RBFOX3: variants seen among roughly 807,000 people sequenced by gnomAD.
RBFOX3 encodes RNA binding protein fox-1 homolog 3.
In RBFOX3, 17 loss-of-function variants were observed where a neutral mutation model predicts 48.7. The ratio of observed to expected loss-of-function variants is 0.35; its 90% CI spans 0.24 to 0.52. RBFOX3 has a LOEUF of 0.52. Among genes scored for constraint, RBFOX3 ranks in the 20% least tolerant of loss-of-function variants. RBFOX3 has a pLI of 0.94. For synonymous variants in RBFOX3, 212 were observed against 209.5 expected, an observed-to-expected ratio of 1.01 and a Z score of -0.10; for missense variants, 382 against 497.5, an observed-to-expected ratio of 0.77 and a Z score of 2.21.
At chr17:79,656,593 G>A in the RBFOX3 span, among the ~76,000 whole-genome samples, 1 of 145,426 alleles carries the variant, frequency 6.9e-6, no homozygotes, top group African/African-American at 2.7e-5. Flanking sequence ...CAGCCTGGGT[G>A]ACAGAGTGAG....
At chr17:79,649,673 T>C in the RBFOX3 span, among the ~76,000 whole-genome samples, 5 of 152,308 alleles carry the variant, frequency 3.3e-5, no homozygotes, top group South Asian at 2.1e-4. Flanking sequence ...GCCATTGCAC[T>C]TCAGCCGACA....
At chr17:79,411,304 T>A (rs1056141246) in intron 2 of RBFOX3, among the ~76,000 whole-genome samples, 2 of 152,046 alleles carry the variant, frequency 1.3e-5, no homozygotes, top group South Asian at 2.1e-4. Context: ...ACCTCACTGA[T>A]CTGCTCACAC....
At chr17:79,574,007 AG>A (rs2092773593) in intron 1 of RBFOX3, among the ~76,000 whole-genome samples, 1 of 152,194 alleles carries the variant, frequency 6.6e-6, no homozygotes. Flanking sequence ...GCGAGCCCCC[AG>A]GGGTGGGCTG....
At chr17:79,502,684 G>C (rs1389732419) in intron 1 of RBFOX3, among the ~76,000 whole-genome samples, 1 of 152,196 alleles carries the variant, frequency 6.6e-6, no homozygotes, top group Admixed American at 6.5e-5. Flanking sequence ...CTTTGAACTG[G>C]AGAAAAACGG....
At chr17:79,547,167 A>T (rs1041095799) in intron 1 of RBFOX3, among the ~76,000 whole-genome samples, 4 of 152,134 alleles carry the variant, frequency 2.6e-5, no homozygotes, top group Admixed American at 6.5e-5. Context: ...CCAACTCCCA[A>T]GCGTTCACTT....
At chr17:79,114,133 G>C (rs1212171723) in intron 5 of RBFOX3, among the ~76,000 whole-genome samples, 1 of 152,182 alleles carries the variant, frequency 6.6e-6, no homozygotes, top group Non-Finnish European at 1.5e-5. Flanking sequence ...GTCAGAAGGA[G>C]ACCCAGCCTG....
At chr17:79,334,018 G>T (rs749651077) in intron 2 of RBFOX3, among the ~76,000 whole-genome samples, 3 of 151,692 alleles carry the variant, frequency 2.0e-5, no homozygotes, top group Non-Finnish European at 2.9e-5. Flanking sequence ...GGTCACCAAC[G>T]ATCCCCTCAT....
At chr17:79,450,480 C>G (rs2073269785) in intron 2 of RBFOX3, among the ~76,000 whole-genome samples, 1 of 152,088 alleles carries the variant, frequency 6.6e-6, no homozygotes, top group Non-Finnish European at 1.5e-5. Context: ...GAAAACGAAT[C>G]ACCCCAAAAT....
chr17:79,110,131 A>C (rs1346843268), intron 5 of RBFOX3, among the ~76,000 whole-genome samples: 1 of 15,308 alleles, frequency 6.5e-5, no homozygotes. Context: ...TCCCCCACTC[A>C]AAAAAAAAAA....
At chr17:79,177,562 C>A (rs1599825966) in intron 4 of RBFOX3, among the ~76,000 whole-genome samples, 2 of 152,194 alleles carry the variant, frequency 1.3e-5, no homozygotes, top group Non-Finnish European at 2.9e-5. Flanking sequence ...CTGGCCCATA[C>A]CGGTTGGAGA....
chr17:79,450,863 T>C (rs1408813589), intron 2 of RBFOX3, among the ~76,000 whole-genome samples: 1 of 152,092 alleles, frequency 6.6e-6, no homozygotes, highest in Non-Finnish European at 1.5e-5. Flanking sequence ...AAAAGATATA[T>C]GCCAAGAGGA....
the RBFOX3 span, among the ~76,000 whole-genome samples, chr17:79,646,577 C>A: frequency 6.6e-6 from 1 of 152,292 alleles, no homozygotes; most frequent in East Asian, 1.9e-4. Flanking sequence ...TTATTCACTA[C>A]CATGAGAACA....
Position 79,103,975 on chromosome 17 carries a change from G to A in RBFOX3, c.414+98C>T. 1 of 1,056,470 alleles carries A rather than the reference G, an allele frequency of 9.5e-7. No individual in the cohort carries two copies. The highest frequency in any genetic ancestry group is 1.4e-6 in the Non-Finnish European group (1 of 701,010). 65.4% of individuals were successfully genotyped at this position (1,056,470 alleles called of 1,614,324 possible). On this transcript the variant is annotated intron_variant, in intron 7 of 14. Coordinates refer to ENST00000693108, the MANE Select transcript of RBFOX3 (RefSeq NM_001350451.2). This position sits in a 1 kb window ranked among gnomAD's most constrained non-coding sequence, Gnocchi z 6.1. ...CACCCGTGTCGCTCAGGGGTCCTCG[G>A]GCGCGAAGCTCTCCAGGAAGGAAAC...
At chr17:79,343,374 A>G (rs899701905) in intron 2 of RBFOX3, among the ~76,000 whole-genome samples, 5 of 152,084 alleles carry the variant, frequency 3.3e-5, no homozygotes, top group Admixed American at 6.6e-5. Flanking sequence ...AAAATTAGCC[A>G]GGTGTGGTGG....
Position 79,101,633 on chromosome 17 carries a change from G to A in RBFOX3, c.519C>T (p.Ala173=). 6.4e-7 allele frequency: 1 copy of A among 1,551,254 alleles called. No homozygotes were observed. The highest frequency in any genetic ancestry group is 8.7e-7 in the Non-Finnish European group (1 of 1,146,924). The part of the protein sequence containing the change: ...VEGRKIEVNN[A]TARVMTNKKT... ...TCTTGTTGGTCATCACTCGGGCCGTGGCATTATTGACCTGTTCAAAGAGGG... is the reference window on the plus strand; with the variant it reads ...TCTTGTTGGTCATCACTCGGGCCGTAGCATTATTGACCTGTTCAAAGAGGG... The change falls in exon 9 of 15, where the codon GCC becomes GCT. Residue 173 remains alanine, a synonymous_variant. Coordinates refer to ENST00000693108, the MANE Select transcript of RBFOX3 (RefSeq NM_001350451.2).
chr17:79,650,617 A>C, the RBFOX3 span, among the ~76,000 whole-genome samples: 2 of 152,252 alleles, frequency 1.3e-5, no homozygotes, highest in South Asian at 2.1e-4. Context: ...ACTATTAAAC[A>C]GAAGTCTCCG....
intron 3 of RBFOX3, among the ~76,000 whole-genome samples, chr17:79,261,379 C>T (rs1294625771): frequency 6.6e-6 from 1 of 152,208 alleles, no homozygotes; most frequent in Non-Finnish European, 1.5e-5. Context: ...TTTTCCTTTC[C>T]TTTTTCTCTC....
At position 79,115,728 on chromosome 17, in the gene RBFOX3, A is replaced by G; in HGVS notation, c.-13T>C. 2 of 793,742 alleles carry G rather than the reference A, an allele frequency of 2.5e-6. No homozygotes were observed. The highest frequency in any genetic ancestry group is 2.1e-6 in the Non-Finnish European group (1 of 486,064). The allele number at this position is 793,742 out of a possible 1,614,324, so 49.2% of individuals were successfully genotyped here. A position where few individuals can be genotyped will look rare whatever the true frequency, so the allele number is the denominator to read the frequency against. On this transcript the variant is annotated 5_prime_UTR_variant, in exon 5 of 15. Coordinates refer to ENST00000693108, the MANE Select transcript of RBFOX3 (RefSeq NM_001350451.2). ...AGGGCTGGGCCATCGCTTCAGGCGG[A>G]GCCGTGGCGTCCTGATCGCTCTGTG...
At chr17:79,308,351 G>A (rs1044310592) in intron 2 of RBFOX3, among the ~76,000 whole-genome samples, 5 of 152,220 alleles carry the variant, frequency 3.3e-5, no homozygotes, top group Non-Finnish European at 7.4e-5. Flanking sequence ...GGCCCTCGAT[G>A]GGAAGTAAGG....
Sources: gnomAD v4.1 joint callset for allele counts (sites outside exome capture counted in the v4.1 genomes callset) on GRCh38, gnomAD v4.1.1 for gene constraint, Gnocchi (gnomAD v3.1) non-coding constraint, MANE v1.5 for transcripts, NCBI Gene and HGNC (gene_info 2026-07-23, HGNC 2026-07-21) for gene names.